Variants in ACSF3 observed in about 807,000 individuals in gnomAD.
ACSF3 encodes the protein acyl-CoA synthetase family member 3, also known as malonate--CoA ligase ACSF3, mitochondrial.
In ACSF3, 78 loss-of-function variants were observed where a neutral mutation model predicts 53.2. The observed-to-expected ratio is 1.47, with a 90% CI of 1.22 to 1.77. The LOEUF is 1.77. Among genes scored for constraint, ACSF3 ranks in the 40% most tolerant of loss-of-function variants. ACSF3 has a pLI of 0.00. For synonymous variants in ACSF3, 414 were observed against 333.1 expected (o/e 1.24, Z -2.65); for missense variants, 937 against 771.1 (o/e 1.22, Z -2.55).
At chr16:89,134,205 C>T (rs891945196) in intron 8 of ACSF3, among the ~76,000 whole-genome samples, 7 of 152,164 alleles carry the variant, frequency 4.6e-5, no homozygotes, top group East Asian at 1.9e-4. Context: ...TGGTGGCAAG[C>T]GTCGTGTTCT....
intron 8 of ACSF3, among the ~76,000 whole-genome samples, chr16:89,137,529 C>T (rs1169584532): frequency 7.1e-5 from 9 of 126,496 alleles, no homozygotes; most frequent in African/African-American, 2.2e-4. Context: ...ACCAGGAGCT[C>T]ACGGGGAAAG....
intron 10 of ACSF3, among the ~76,000 whole-genome samples, chr16:89,147,220 G>T (rs1398948243): frequency 8.7e-6 from 1 of 114,896 alleles, no homozygotes; most frequent in Non-Finnish European, 1.8e-5. Context: ...AGGAGGGAGG[G>T]TCCACAGAGT....
intron 1 of ACSF3, among the ~76,000 whole-genome samples, chr16:89,097,438 A>C (rs11863385): frequency 0.72 from 108,702 of 151,716 alleles, 39,583 homozygotes; most frequent in Non-Finnish European, 0.79. Context: ...CCGAGCACCC[A>C]AGGCACTCCC....
intron 8 of ACSF3, among the ~76,000 whole-genome samples, chr16:89,137,558 A>G (rs35202828): frequency 4.3e-4 from 53 of 124,176 alleles, no homozygotes; most frequent in African/African-American, 9.6e-4. Flanking sequence ...GAAGAGCCCC[A>G]GGTCTCGGGA....
At chr16:89,129,179 C>A (rs1406276146) in intron 7 of ACSF3, among the ~76,000 whole-genome samples, 1 of 152,078 alleles carries the variant, frequency 6.6e-6, no homozygotes, top group East Asian at 1.9e-4. Context: ...GGTGTTTGAT[C>A]GTGTTGTTCA....
chr16:89,127,376 T>C (rs1311307634), intron 7 of ACSF3, among the ~76,000 whole-genome samples: 1 of 152,038 alleles, frequency 6.6e-6, no homozygotes, highest in East Asian at 1.9e-4. Context: ...TATTATTTTG[T>C]GTGTGGGGGA....
chr16:89,116,211 C>G (rs1001497891), intron 6 of ACSF3, among the ~76,000 whole-genome samples: 1 of 152,224 alleles, frequency 6.6e-6, no homozygotes, highest in Non-Finnish European at 1.5e-5. Context: ...CCTTCTCCAT[C>G]GAACAGCCCT....
intron 4 of ACSF3, among the ~76,000 whole-genome samples, chr16:89,108,439 C>T (rs1479178952): frequency 1.3e-5 from 2 of 152,194 alleles, no homozygotes; most frequent in South Asian, 2.1e-4. Flanking sequence ...TTTTATTGCA[C>T]CTTCCCTTTT....
At chr16:89,127,010 T>A (rs1567720518) in intron 7 of ACSF3, among the ~76,000 whole-genome samples, 1 of 152,048 alleles carries the variant, frequency 6.6e-6, no homozygotes, top group Non-Finnish European at 1.5e-5. Flanking sequence ...CTTTTCTTTA[T>A]TAGGCTGTTA....
intron 6 of ACSF3, among the ~76,000 whole-genome samples, chr16:89,117,810 A>G (rs1038222514): frequency 5.9e-5 from 9 of 152,164 alleles, no homozygotes; most frequent in African/African-American, 2.2e-4. Flanking sequence ...TCCCCGGCTG[A>G]GGAGGGGGAT....
At chr16:89,138,248 T>C (rs1347262168) in intron 8 of ACSF3, among the ~76,000 whole-genome samples, 1 of 152,120 alleles carries the variant, frequency 6.6e-6, no homozygotes, top group African/African-American at 2.4e-5. Flanking sequence ...TGATGGCACA[T>C]TTGAGGTCAG....
chr16:89,150,881 AAAG>A (rs911730537), intron 10 of ACSF3: 18 of 843,152 alleles, frequency 2.1e-5, no homozygotes, highest in African/African-American at 3.6e-5. Context: ...ACCATGAAAG[AAAG>A]AAGAACAGGA....
chr16:89,142,947 C>T (rs1328394828), intron 8 of ACSF3, among the ~76,000 whole-genome samples: 1 of 152,220 alleles, frequency 6.6e-6, no homozygotes, highest in Non-Finnish European at 1.5e-5. Context: ...TGAGTTTGTT[C>T]TTTAACAAGT....
intron 8 of ACSF3, among the ~76,000 whole-genome samples, chr16:89,144,661 C>T (rs551806769): frequency 2.0e-5 from 3 of 152,350 alleles, no homozygotes; most frequent in African/African-American, 7.2e-5. Flanking sequence ...CCCAGAGCAG[C>T]CTGCCTGCAT....
At chr16:89,126,096 C>T (rs990016713) in intron 7 of ACSF3, among the ~76,000 whole-genome samples, 7 of 152,208 alleles carry the variant, frequency 4.6e-5, no homozygotes, top group African/African-American at 1.7e-4. Context: ...CATGGTGTGT[C>T]TCTCCATTTA....
intron 3 of ACSF3, among the ~76,000 whole-genome samples, chr16:89,101,591 C>T (rs1428314637): frequency 1.3e-5 from 2 of 152,136 alleles, no homozygotes; most frequent in Non-Finnish European, 2.9e-5. Context: ...CCGAGTGACC[C>T]TGCCAGGACC....
At chr16:89,102,165 C>T (rs1320363633) in intron 3 of ACSF3, among the ~76,000 whole-genome samples, 1 of 152,236 alleles carries the variant, frequency 6.6e-6, no homozygotes, top group Non-Finnish European at 1.5e-5. Context: ...GGGTTCTGTC[C>T]CGGCTGAGCA....
At chr16:89,138,451 C>T (rs375081922) in intron 8 of ACSF3, among the ~76,000 whole-genome samples, 1 of 152,254 alleles carries the variant, frequency 6.6e-6, no homozygotes, top group South Asian at 2.1e-4. Flanking sequence ...AACCAAGGCT[C>T]GTCTGGCTGG....
intron 4 of ACSF3, among the ~76,000 whole-genome samples, chr16:89,105,631 T>C (rs1483183036): frequency 6.6e-6 from 1 of 152,196 alleles, no homozygotes; most frequent in Non-Finnish European, 1.5e-5. Context: ...TGCCCCACCT[T>C]GGCCTCTGCT....
Sources: allele counts gnomAD v4.1 joint callset (sites outside exome capture counted in the v4.1 genomes callset), GRCh38; gene constraint gnomAD v4.1.1; transcripts MANE v1.5; gene names NCBI Gene and HGNC (gene_info 2026-07-23, HGNC 2026-07-21).